The following BICDL2 variants were observed in gnomAD, a reference collection of about 807,000 sequenced individuals.
BICDL2 encodes BICD family like cargo adaptor 2.
BICDL2 carries 62 observed loss-of-function variants against 56.6 expected under a neutral mutation model. The observed-to-expected ratio is 1.10, with a 90% CI of 0.89 to 1.35. The LOEUF is 1.35. Among genes scored for constraint, BICDL2 ranks in the 40% most tolerant of loss-of-function variants. The probability of loss-of-function intolerance (pLI) is 0.00; values close to 1 mark genes in which losing one functional copy is unlikely to be tolerated. For synonymous variants in BICDL2, 358 were observed against 319.8 expected (o/e 1.12, Z -1.27); for missense variants, 808 against 684.5 (o/e 1.18, Z -2.01).
intron 8 of BICDL2, 74 bp downstream of exon 8, chr16:3,028,626 G>T (rs1176887115): frequency 9.2e-6 from 14 of 1,528,824 alleles, no homozygotes; most frequent in Middle Eastern, 1.7e-4. Flanking sequence ...ATTATAACCC[G>T]TATCAGAAGA....
At chr16:3,028,521 CCGGGGTGG>C (rs1955592910) in intron 8 of BICDL2, 53 bp from the exon 9 acceptor site, 1 of 1,556,838 alleles carries the variant, frequency 6.4e-7, no homozygotes, top group African/African-American at 1.4e-5. Context: ...CCTCAGGGAG[CCGGGGTGG>C]CGGGGGACTT....
intron 8 of BICDL2, 28 bp downstream of exon 8, chr16:3,028,672 G>A (rs770465946): frequency 6.4e-7 from 1 of 1,561,056 alleles, no homozygotes; most frequent in Non-Finnish European, 8.7e-7. Flanking sequence ...GAGGGCGCTG[G>A]GGCGGTGGTC....
chr16:3,036,198 G>A (rs1183986653), intron 1 of BICDL2: 1 of 438,306 alleles, frequency 2.3e-6, no homozygotes, highest in African/African-American at 2.1e-5. Context: ...CCACCCCTCC[G>A]GACTCAGGAG....
At position 3,029,446 on chromosome 16, in the gene BICDL2, T is replaced by G. The variant is rs755811374; in HGVS notation, c.958-17A>C. On this transcript the variant is annotated splice_polypyrimidine_tract_variant and intron_variant, in intron 6 of 9. Transcript: ENST00000572449. The stretch of plus-strand genomic sequence containing the variant: ...CCGGGTGGTCTGTGGGCCAAAGAAA[T>G]GGGTTAGTGGTGTGGAGTTTATTGG... The G allele has an allele frequency of 5.0e-6, 8 of 1,594,530 alleles. No homozygotes were observed. The highest frequency in any genetic ancestry group is 1.7e-5 in the Admixed American group (1 of 58,030).
At position 3,028,693 on chromosome 16, in the gene BICDL2, G is replaced by T; in HGVS notation, c.1238+7C>A. On this transcript the variant is annotated splice_region_variant and intron_variant, in intron 8 of 9. Coordinates refer to ENST00000572449, the MANE Select transcript of BICDL2 (RefSeq NM_001369667.1). The stretch of plus-strand genomic sequence containing the variant: ...GCTGGGGCGGTGGTCAATGGCTTGA[G>T]GCTTACTTGTTCACGGCCTCGTCCC... 6.4e-7 allele frequency: 1 copy of T among 1,570,398 alleles called. No individual in the cohort carries two copies.
chr16:3,028,318 C>T (rs1462531989), intron 9 of BICDL2, 30 bp downstream of exon 9: 1 of 1,543,382 alleles, frequency 6.5e-7, no homozygotes, highest in Non-Finnish European at 8.7e-7. Context: ...CGCCCCTTGC[C>T]CCGCCCCGCA....
At chr16:3,030,373 G>A (rs1432293005) in intron 5 of BICDL2, 76 bp downstream of exon 5, 16 of 1,524,136 alleles carry the variant, frequency 1.0e-5, no homozygotes, top group Middle Eastern at 1.7e-4. Flanking sequence ...ATCCAGCTCC[G>A]GCCTCATCTC....
Position 3,029,684 on chromosome 16 carries a change from T to C in BICDL2, c.818A>G (p.Gln273Arg), listed in dbSNP as rs2244494. 507,506 of 1,539,648 alleles carry C rather than the reference T, an allele frequency of 0.33. 85,951 individuals are homozygous for C. Among genetic ancestry groups the C allele is most frequent in the Non-Finnish European group, 0.35 (402,332 of 1,148,722 alleles). ...CTCCTCCAGCTCGGAGACGCGCCGC[T>C]GCAGCCTCCGCAGCGCACTCAGCGC... ...GEALSALRRLQRRVSELEEES... is the reference protein window; with the variant it reads ...GEALSALRRLRRRVSELEEES... Residue 273 changes from glutamine (Q) to arginine (R), a missense_variant, in exon 6 of 10, where the codon CAG becomes CGG. Physicochemically the swap from Gln to Arg is conservative, Grantham distance 43. Coordinates refer to ENST00000572449, the MANE Select transcript of BICDL2 (RefSeq NM_001369667.1).
intron 1 of BICDL2, 150 bp from the exon 2 acceptor site, chr16:3,035,676 A>G: frequency 3.0e-6 from 2 of 671,030 alleles, no homozygotes; most frequent in Non-Finnish European, 5.0e-6. Flanking sequence ...TGTTTTGGCT[A>G]CCCAGTTCCG....
In BICDL2 at chr16:3,030,958, G is replaced by A. The variant is rs200054949; in HGVS notation, c.475C>T (p.Arg159Trp). Reference sequence around the variant, plus strand: ...ACCTGAGCCAGCTGCTGGCTGAGCCGGAGGTTCTGCTCGCTGAGCTCGCTG... The same window carrying A: ...ACCTGAGCCAGCTGCTGGCTGAGCCAGAGGTTCTGCTCGCTGAGCTCGCTG... ...ALSELSEQNL[R>W]LSQQLAQASQ... Residue 159 changes from arginine to tryptophan, a missense_variant, in exon 3 of 10, where the codon CGG becomes TGG. By Grantham distance (101) the Arg-to-Trp change is moderately radical. Transcript: ENST00000572449. 1.2e-3 allele frequency: 1,832 copies of A among 1,550,384 alleles called. 2 individuals are homozygous for A. The highest frequency in any genetic ancestry group is 1.5e-3 in the Non-Finnish European group (1,766 of 1,153,894).
At position 3,030,934 on chromosome 16, in the gene BICDL2, C is replaced by G; in HGVS notation, c.498+1G>C. 3 of 1,546,704 alleles carry G rather than the reference C, an allele frequency of 1.9e-6. No individual in the cohort carries two copies. Among genetic ancestry groups the G allele is most frequent in the Non-Finnish European group, 1.7e-6 (2 of 1,151,700 alleles). On this transcript the variant is annotated splice_donor_variant, in intron 3 of 9. Transcript: ENST00000572449. LOFTEE classifies it high-confidence loss of function. ...GGGCCCTGGGGTCAGGGCCATCCCA[C>G]CTGAGCCAGCTGCTGGCTGAGCCGG...
In BICDL2 at chr16:3,031,084, G is replaced by C; in HGVS notation, c.349C>G (p.Arg117Gly). 3 of 1,536,796 alleles carry C rather than the reference G, an allele frequency of 2.0e-6. No individual in the cohort carries two copies. Among genetic ancestry groups the C allele is most frequent in the Non-Finnish European group, 8.7e-7 (1 of 1,146,720 alleles). ...ACGTCCCCCTCCAGCTCCACGGCCC[G>C]GGCCTCCCACTCGGCTCCTCGGGCT... ...LAARGAEWEA[R>G]AVELEGDVEA... Residue 117 changes from arginine (R) to glycine (G), a missense_variant, in exon 3 of 10, where the codon CGG becomes GGG. Arg to Gly is a moderately radical substitution (Grantham distance 125, BLOSUM62 -2). Coordinates refer to ENST00000572449, the MANE Select transcript of BICDL2 (RefSeq NM_001369667.1).
At chr16:3,031,598 C>T in intron 2 of BICDL2, 1 of 407,452 alleles carries the variant, frequency 2.5e-6, no homozygotes, top group South Asian at 1.1e-4. Flanking sequence ...TAACCCTGGT[C>T]AGCCCCGCCC....
In BICDL2 at chr16:3,029,403, C is replaced by T. The variant is rs113579453; in HGVS notation, c.984G>A (p.Lys328=). ...GGGGTGAAGGCTGGGGGCTGGACGC[C>T]TTTCGGGTCTTTGGGGACCGGGTGG... ...TPTTRSPKTR[K]ASSPQPSPPE... The change falls in exon 7 of 10, where the codon AAG becomes AAA. Residue 328 remains lysine, a synonymous_variant. Coordinates refer to ENST00000572449, the MANE Select transcript of BICDL2 (RefSeq NM_001369667.1). The T allele has an allele frequency of 1.9e-5, 31 of 1,606,806 alleles. No individual in the cohort carries two copies. The African/African-American group carries it at 2.0e-4, about 10-fold the overall frequency.
At position 3,029,264 on chromosome 16, in the gene BICDL2, G is replaced by A. The variant is rs756621960; in HGVS notation, c.1107+16C>T. On this transcript the variant is annotated intron_variant, in intron 7 of 9. Coordinates refer to ENST00000572449, the MANE Select transcript of BICDL2 (RefSeq NM_001369667.1). ...CTGGAGGGGCCGTGCATCCAGCACC[G>A]TGCCCTCTGCCCCACCTCATCTTGC... The A allele has an allele frequency of 4.4e-6, 7 of 1,607,102 alleles. No homozygotes were observed. The East Asian group carries it at 6.7e-5, about 15-fold the overall frequency.
chr16:3,029,503 C>A lies in BICDL2; in HGVS notation c.957+42G>T, dbSNP rs530662460. On this transcript the variant is annotated intron_variant, in intron 6 of 9. Transcript: ENST00000572449. ...GAGGAAAGGCGGAGCCTGCAACCCT[C>A]TCGATGGCACAGGTAAGGGGGCTGG... 1.9e-6 allele frequency: 3 copies of A among 1,567,734 alleles called. No individual in the cohort carries two copies. In the East Asian group the frequency reaches 6.8e-5, roughly 36 times the overall value.
At chr16:3,034,632 C>T (rs149273202) in intron 2 of BICDL2, among the ~76,000 whole-genome samples, 1 of 149,202 alleles carries the variant, frequency 6.7e-6, no homozygotes, top group African/African-American at 2.5e-5. Flanking sequence ...CTTTCCTTTC[C>T]TTTCCTTTTT....
chr16:3,035,110 A>G, intron 2 of BICDL2, 105 bp downstream of exon 2: 1 of 1,165,500 alleles, frequency 8.6e-7, no homozygotes, highest in South Asian at 1.5e-5. Context: ...TGTCCTCCCC[A>G]GCTCCTCTCT....
intron 1 of BICDL2, chr16:3,035,984 C>T (rs544361345): frequency 4.5e-5 from 14 of 311,876 alleles, no homozygotes; most frequent in Admixed American, 3.5e-4. Context: ...GTATCTTCGC[C>T]CCCAGGAATC....
Sources: allele counts gnomAD v4.1 joint callset (sites outside exome capture counted in the v4.1 genomes callset), GRCh38; gene constraint gnomAD v4.1.1; transcripts MANE v1.5; gene names NCBI Gene and HGNC (gene_info 2026-07-23, HGNC 2026-07-21).